Variants in SMYD3 observed in about 807,000 individuals in gnomAD.
SMYD3 encodes histone-lysine N-methyltransferase SMYD3.
In SMYD3, 36 loss-of-function variants were observed where a neutral mutation model predicts 57.7. The observed-to-expected ratio is 0.62, with a 90% CI of 0.48 to 0.82. SMYD3 has a LOEUF of 0.82. Ranked by LOEUF, SMYD3 falls within the 40% of genes least tolerant of loss-of-function variation. The probability of loss-of-function intolerance (pLI) is 0.00; values close to 1 mark genes in which losing one functional copy is unlikely to be tolerated. For synonymous variants in SMYD3, 211 were observed against 195.0 expected, an observed-to-expected ratio of 1.08 and a Z score of -0.68; for missense variants, 515 against 538.8, an observed-to-expected ratio of 0.96 and a Z score of 0.44.
intron 5 of SMYD3, among the ~76,000 whole-genome samples, chr1:246,031,542 C>T (rs1040957818): frequency 3.9e-5 from 6 of 152,026 alleles, no homozygotes; most frequent in African/African-American, 1.5e-4. Context: ...TCAAAACCAT[C>T]CTGGCTAACG....
At chr1:246,324,186 G>A (rs534153362) in intron 5 of SMYD3, among the ~76,000 whole-genome samples, 24 of 152,176 alleles carry the variant, frequency 1.6e-4, no homozygotes, top group African/African-American at 5.3e-4. Flanking sequence ...AGGCCAAGGC[G>A]GGCGGATCAT....
chr1:245,853,174 G>C (rs1348481934), intron 10 of SMYD3, among the ~76,000 whole-genome samples: 2 of 152,158 alleles, frequency 1.3e-5, no homozygotes, highest in Non-Finnish European at 2.9e-5. Flanking sequence ...AGTTCAGATA[G>C]TTATTTCTTC....
At chr1:246,364,875 A>C (rs967484268) in intron 1 of SMYD3, among the ~76,000 whole-genome samples, 3 of 152,236 alleles carry the variant, frequency 2.0e-5, no homozygotes, top group African/African-American at 4.8e-5. Context: ...GGATACAATC[A>C]AGTCAACACT....
At chr1:246,349,397 G>C (rs1373249362) in intron 2 of SMYD3, among the ~76,000 whole-genome samples, 1 of 151,950 alleles carries the variant, frequency 6.6e-6, no homozygotes, top group Non-Finnish European at 1.5e-5. Context: ...CTGAGCTTAG[G>C]AGTTCGAGAC....
At chr1:246,360,385 C>T (rs941430373) in intron 1 of SMYD3, among the ~76,000 whole-genome samples, 1 of 151,920 alleles carries the variant, frequency 6.6e-6, no homozygotes. Flanking sequence ...TTGCCAAAAG[C>T]AATCTACAAA....
At chr1:246,412,865 A>G (rs2067000061) in intron 1 of SMYD3, among the ~76,000 whole-genome samples, 1 of 152,000 alleles carries the variant, frequency 6.6e-6, no homozygotes, top group African/African-American at 2.4e-5. Flanking sequence ...TCTCAAAAAA[A>G]AAAAAAAAAA....
intron 1 of SMYD3, among the ~76,000 whole-genome samples, chr1:246,378,978 T>C (rs2066340759): frequency 7.1e-6 from 1 of 141,230 alleles, no homozygotes; most frequent in Admixed American, 7.6e-5. Flanking sequence ...AGATTCCCAA[T>C]GGCAATAAAC....
chr1:246,499,399 T>TACAC (rs1223387340), intron 1 of SMYD3, among the ~76,000 whole-genome samples: 13 of 39,672 alleles, frequency 3.3e-4, no homozygotes, highest in African/African-American at 7.7e-4. Context: ...AACCATCAAA[T>TACAC]ATACACACAC....
chr1:245,802,432 T>A (rs973867508), intron 10 of SMYD3, among the ~76,000 whole-genome samples: 1 of 152,258 alleles, frequency 6.6e-6, no homozygotes, highest in Admixed American at 6.5e-5. Context: ...AAATAGCTAC[T>A]TGATATCAAG....
chr1:245,930,011 G>A (rs554480070), intron 5 of SMYD3, 74 bp from the exon 6 acceptor site: 34 of 1,311,362 alleles, frequency 2.6e-5, no homozygotes, highest in African/African-American at 1.9e-4. Context: ...AATAAAAAAC[G>A]TTCAAACCCA....
At chr1:246,506,999 C>CCCCAGCACCCCACACAG in intron 1 of SMYD3, 55 bp downstream of exon 1, 4 of 972,774 alleles carry the variant, frequency 4.1e-6, no homozygotes, top group Non-Finnish European at 5.3e-6. Context: ...GCCCCCCCCT[C>CCCCAGCACCCCACACAG]CCCAGCACCC....
At chr1:246,060,343 C>T (rs1169191831) in intron 5 of SMYD3, among the ~76,000 whole-genome samples, 1 of 151,620 alleles carries the variant, frequency 6.6e-6, no homozygotes, top group Non-Finnish European at 1.5e-5. Context: ...CTGAGAAGAT[C>T]TCCATATATA....
At chr1:246,403,902 A>G (rs2066816770) in intron 1 of SMYD3, among the ~76,000 whole-genome samples, 1 of 152,214 alleles carries the variant, frequency 6.6e-6, no homozygotes, top group Non-Finnish European at 1.5e-5. Flanking sequence ...AAACATATAC[A>G]AAGCATGTGA....
intron 8 of SMYD3, among the ~76,000 whole-genome samples, chr1:245,889,486 A>C (rs552661913): frequency 6.6e-5 from 10 of 152,252 alleles, no homozygotes; most frequent in Middle Eastern, 3.4e-3. Context: ...ACCACTGAAG[A>C]GGTCTGTTTT....
chr1:245,852,117 A>G (rs2051006133), intron 10 of SMYD3, among the ~76,000 whole-genome samples: 5 of 152,226 alleles, frequency 3.3e-5, no homozygotes, highest in Admixed American at 3.3e-4. Flanking sequence ...GCTCTGTCAG[A>G]ATGTGCAACA....
chr1:246,298,126 C>A (rs2064828101), intron 5 of SMYD3, among the ~76,000 whole-genome samples: 1 of 151,934 alleles, frequency 6.6e-6, no homozygotes, highest in Non-Finnish European at 1.5e-5. Flanking sequence ...CTATATAAAC[C>A]TGCAGGTTCA....
At chr1:246,484,987 G>A (rs34965113) in intron 1 of SMYD3, among the ~76,000 whole-genome samples, 3 of 1,290 alleles carry the variant, frequency 2.3e-3, no homozygotes, top group African/African-American at 6.6e-3. Context: ...AAAACACATC[G>A]CCTCAACCAA....
intron 1 of SMYD3, among the ~76,000 whole-genome samples, chr1:246,430,205 G>A (rs1386436786): frequency 2.6e-5 from 4 of 152,198 alleles, no homozygotes; most frequent in South Asian, 2.1e-4. Context: ...TACAAGAAAC[G>A]GAATGAAGTA....
At chr1:245,781,810 A>G (rs1275032537) in intron 10 of SMYD3, among the ~76,000 whole-genome samples, 1 of 152,048 alleles carries the variant, frequency 6.6e-6, no homozygotes, top group African/African-American at 2.4e-5. Flanking sequence ...TCTCCACTAA[A>G]AGTCCAAATT....
Sources: allele counts gnomAD v4.1 joint callset (sites outside exome capture counted in the v4.1 genomes callset), GRCh38; gene constraint gnomAD v4.1.1; transcripts MANE v1.5; gene names NCBI Gene and HGNC (gene_info 2026-07-23, HGNC 2026-07-21).